Variants in EPB41L1 observed in about 807,000 individuals in gnomAD.
EPB41L1 encodes the protein band 4.1-like protein 1.
Under a neutral mutation model 97.8 loss-of-function variants are expected in EPB41L1, and 29 were observed. That is an observed-to-expected ratio of 0.30 (90% CI 0.22 to 0.40). The LOEUF (loss-of-function observed/expected upper bound fraction) is 0.40. Ranked by LOEUF, EPB41L1 falls within the 10% of genes least tolerant of loss-of-function variation. EPB41L1 has a pLI of 1.00. For synonymous variants in EPB41L1, 383 were observed against 459.2 expected (o/e 0.83, Z 2.12); for missense variants, 812 against 1,162.3 (o/e 0.70, Z 4.38).
chr20:36,175,221 G>C (rs1215538237), intron 2 of EPB41L1, among the ~76,000 whole-genome samples: 1 of 152,210 alleles, frequency 6.6e-6, no homozygotes, highest in African/African-American at 2.4e-5. Flanking sequence ...GCTGTGATGA[G>C]TCATGTGCTG....
chr20:36,208,338 C>T (rs1477964112), intron 14 of EPB41L1: 1 of 454,018 alleles, frequency 2.2e-6, no homozygotes, highest in Non-Finnish European at 4.4e-6. Flanking sequence ...GAGAAGCGCT[C>T]CACCAACTTA....
In EPB41L1 at chr20:36,092,187, T is replaced by G. The variant is rs1414654316; in HGVS notation, c.-65+575T>G. Among the ~76,000 whole-genome samples the G allele has an allele frequency of 6.6e-6, 1 of 151,928 alleles. No homozygotes were observed. The highest frequency in any genetic ancestry group is 1.5e-5 in the Non-Finnish European group (1 of 67,958). On this transcript the variant is annotated intron_variant, in intron 1 of 19. Coordinates refer to the EPB41L1 transcript ENST00000202028. The surrounding 1 kb of genome is among the most constrained non-coding windows in gnomAD (Gnocchi z 7.0). Reference sequence around the variant, plus strand: ...GCGTGGGCCAGGTCCTGGCTGGAGGTAGACGAGGTCGGCGAGCTGGGCGCG... The same window carrying G: ...GCGTGGGCCAGGTCCTGGCTGGAGGGAGACGAGGTCGGCGAGCTGGGCGCG...
intron 14 of EPB41L1, among the ~76,000 whole-genome samples, chr20:36,203,748 A>G (rs966414930): frequency 1.3e-4 from 20 of 152,334 alleles, no homozygotes; most frequent in African/African-American, 4.8e-4. Context: ...AACCCACCCC[A>G]GACTTTACCT....
intron 14 of EPB41L1, among the ~76,000 whole-genome samples, chr20:36,203,121 G>A (rs1046172809): frequency 6.6e-6 from 1 of 152,232 alleles, no homozygotes; most frequent in Non-Finnish European, 1.5e-5. Context: ...CTTGTGATTC[G>A]GGTTAGAACG....
upstream of EPB41L1, chr20:36,151,476 A>C (rs1382890479): frequency 6.6e-6 from 1 of 152,226 alleles, no homozygotes; most frequent in Non-Finnish European, 1.5e-5. Flanking sequence ...TGGAAGCAGA[A>C]TTTGCAGCTA....
intron 14 of EPB41L1, among the ~76,000 whole-genome samples, chr20:36,205,137 A>G (rs1384275933): frequency 6.6e-6 from 1 of 152,204 alleles, no homozygotes; most frequent in Non-Finnish European, 1.5e-5. Context: ...TAACGTGGTC[A>G]TGTGGTATCT....
chr20:36,222,199 TA>T, intron 20 of EPB41L1, 78 bp from the exon 21 acceptor site: 1 of 1,311,814 alleles, frequency 7.6e-7, no homozygotes, highest in Non-Finnish European at 1.1e-6. Context: ...AGCTGTGCAC[TA>T]GAGGGCTTGC....
At position 36,139,431 on chromosome 20, in the gene EPB41L1, A is replaced by T. The variant is rs546681940; in HGVS notation, c.-10+26951A>T. Among the ~76,000 whole-genome samples, 43 of 152,314 alleles carry T rather than the reference A, an allele frequency of 2.8e-4. No individual in the cohort carries two copies. In the South Asian group the frequency reaches 5.0e-3, roughly 18 times the overall value. On this transcript the variant is annotated intron_variant, in intron 2 of 19. Coordinates refer to the EPB41L1 transcript ENST00000202028. ...ATCTTTCTGTCATCCTTTAAAAAAA[A>T]TTTTTTTGTTATGCAAAATTTCAAA...
Position 36,093,933 on chromosome 20 carries a change from C to T in EPB41L1, c.-65+2321C>T, listed in dbSNP as rs2057748846. On this transcript the variant is annotated intron_variant, in intron 1 of 19. Coordinates refer to the EPB41L1 transcript ENST00000202028. The surrounding 1 kb of genome is among the most constrained non-coding windows in gnomAD (Gnocchi z 5.4). Reference sequence around the variant, plus strand: ...GTGGGAAGGTAGGTGGGTAGAAGCTCAGGTGCCCTGAAAAGGACTAGGAGG... The same window carrying T: ...GTGGGAAGGTAGGTGGGTAGAAGCTTAGGTGCCCTGAAAAGGACTAGGAGG... Among the ~76,000 whole-genome samples the T allele has an allele frequency of 1.3e-5, 2 of 152,154 alleles. No individual in the cohort carries two copies. The highest frequency in any genetic ancestry group is 4.8e-5 in the African/African-American group (2 of 41,442).
rs185342557 is a variant in EPB41L1 at position 36,167,657 on chromosome 20, G to A, written c.-14-6107G>A. Among the ~76,000 whole-genome samples, 37 of 151,824 alleles carry A rather than the reference G, an allele frequency of 2.4e-4. 1 individual carries two copies. The South Asian group carries it at 6.2e-3, about 26-fold the overall frequency. ...CAGGAGGTGGAGGTTACAGTGAGCC[G>A]AAATCATGCCACTGCACTCCAGCCT... On this transcript the variant is annotated intron_variant, in intron 1 of 21. Transcript: ENST00000338074.
chr20:36,119,897 CT>C (rs2058698587), intron 2 of EPB41L1, among the ~76,000 whole-genome samples: 1 of 152,142 alleles, frequency 6.6e-6, no homozygotes, highest in Admixed American at 6.5e-5. Flanking sequence ...ACCACTCTCC[CT>C]GCCCGCCCTC....
At chr20:36,193,836 A>G (rs769521634) in intron 11 of EPB41L1, among the ~76,000 whole-genome samples, 1 of 152,240 alleles carries the variant, frequency 6.6e-6, no homozygotes, top group African/African-American at 2.4e-5. Flanking sequence ...CCACTCTTCC[A>G]TAAATATTTA....
chr20:36,184,806 G>A (rs1206033693), intron 6 of EPB41L1, among the ~76,000 whole-genome samples: 1 of 152,060 alleles, frequency 6.6e-6, no homozygotes, highest in Non-Finnish European at 1.5e-5. Context: ...AAAACTATAC[G>A]ACATTTTGTA....
At chr20:36,164,905 C>T (rs1271854765) in intron 1 of EPB41L1, among the ~76,000 whole-genome samples, 1 of 152,018 alleles carries the variant, frequency 6.6e-6, no homozygotes, top group African/African-American at 2.4e-5. Flanking sequence ...AGGCTGGTCT[C>T]GAACTCCTGA....
At chr20:36,181,328 C>T (rs1208423587) in intron 5 of EPB41L1, among the ~76,000 whole-genome samples, 3 of 152,178 alleles carry the variant, frequency 2.0e-5, no homozygotes, top group South Asian at 2.1e-4. Flanking sequence ...CTGCCTTCAT[C>T]CCCTCTCAAG....
At chr20:36,202,480 C>CAGAGG (rs2062550459) in intron 14 of EPB41L1, among the ~76,000 whole-genome samples, 3 of 152,114 alleles carry the variant, frequency 2.0e-5, no homozygotes, top group Non-Finnish European at 4.4e-5. Flanking sequence ...GCCCCTTACC[C>CAGAGG]TGGACCCCCT....
At chr20:36,204,576 G>A (rs560415680) in intron 14 of EPB41L1, among the ~76,000 whole-genome samples, 25 of 135,354 alleles carry the variant, frequency 1.8e-4, no homozygotes, top group African/African-American at 4.9e-4. Context: ...CCTCTGCCCC[G>A]CAGGTCCAAG....
intron 14 of EPB41L1, among the ~76,000 whole-genome samples, chr20:36,208,776 G>A (rs529276038): frequency 5.3e-5 from 8 of 152,246 alleles, no homozygotes; most frequent in South Asian, 2.1e-4. Context: ...CTGGTTCCCC[G>A]AGGCACTGCC....
At chr20:36,219,034 G>A in intron 18 of EPB41L1, 72 bp downstream of exon 18, 2 of 1,508,292 alleles carry the variant, frequency 1.3e-6, no homozygotes, top group African/African-American at 1.4e-5. Context: ...ATGTATGGCT[G>A]GCAGGAAGTG....
Sources: gnomAD v4.1 joint callset for allele counts (sites outside exome capture counted in the v4.1 genomes callset) on GRCh38, gnomAD v4.1.1 for gene constraint, Gnocchi (gnomAD v3.1) non-coding constraint, MANE v1.5 for transcripts, NCBI Gene and HGNC (gene_info 2026-07-23, HGNC 2026-07-21) for gene names.